Variants in PKD2L1 observed in about 807,000 individuals in gnomAD.
The protein encoded by PKD2L1 is polycystin 2 like 1, transient receptor potential cation channel.
Under a neutral mutation model 93.0 loss-of-function variants are expected in PKD2L1, and 77 were observed. That is an observed-to-expected ratio of 0.83 (90% CI 0.69 to 1.00). The LOEUF is 1.00. PKD2L1 is among the 50% of genes least tolerant of loss of function. The probability of loss-of-function intolerance (pLI) is 0.00; values close to 1 mark genes in which losing one functional copy is unlikely to be tolerated. For synonymous variants in PKD2L1, 390 were observed against 388.0 expected (o/e 1.01, Z -0.06); for missense variants, 977 against 990.9 (o/e 0.99, Z 0.19).
chr10:100,319,712 A>G (rs1478835959), intron 2 of PKD2L1, among the ~76,000 whole-genome samples: 1 of 152,230 alleles, frequency 6.6e-6, no homozygotes, highest in Non-Finnish European at 1.5e-5. Flanking sequence ...AGAGCATCCA[A>G]TTGATATTAA....
chr10:100,326,891 T>C (rs57286124), intron 2 of PKD2L1, among the ~76,000 whole-genome samples: 1 of 102,590 alleles, frequency 9.7e-6, no homozygotes, highest in Non-Finnish European at 2.0e-5. Flanking sequence ...ACCATAGTAT[T>C]ATGAATGACT....
intron 3 of PKD2L1, among the ~76,000 whole-genome samples, chr10:100,299,356 A>C (rs1028542458): frequency 6.6e-6 from 1 of 152,022 alleles, no homozygotes; most frequent in African/African-American, 2.4e-5. Context: ...GTTCAGCCTT[A>C]CCTCTGACTC....
In PKD2L1 at chr10:100,296,187, G is replaced by C; in HGVS notation, c.1291C>G (p.Leu431Val). ...QPNTYADFEF[L>V]AFWQTQYNNM... is the part of the protein sequence containing the mutation. ...TTGTACTGTGTCTGCCAGAAGGCGA[G>C]GAACTCAAAGTCTGCATACGTGTTT... is the stretch of plus-strand genomic sequence containing the variant. Residue 431 changes from leucine (L) to valine (V), a missense_variant, in exon 7 of 16, where the codon CTC (leucine) becomes GTC (valine). Physicochemically the swap from Leu to Val is conservative, Grantham distance 32. Transcript: ENST00000318222. 4 of 1,612,434 alleles carry C rather than the reference G, an allele frequency of 2.5e-6. No individual in the cohort carries two copies. The highest frequency in any genetic ancestry group is 3.4e-6 in the Non-Finnish European group (4 of 1,179,306).
Position 100,288,994 on chromosome 10 carries a change from TCCC to T in PKD2L1, c.2310_2312del (p.Trp770_Gly771delinsTer). 3 of 1,607,098 alleles carry T rather than the reference TCCC, an allele frequency of 1.9e-6. No homozygotes were observed. Among genetic ancestry groups the T allele is most frequent in the Non-Finnish European group, 2.6e-6 (3 of 1,175,454 alleles). ...CACCACTCTCCTGCCCACCCTGGACTCCCCAGGGGTCTGGGGTCACAGCTGGGG... is the reference window on the plus strand; with the variant it reads ...CACCACTCTCCTGCCCACCCTGGACTCAGGGGTCTGGGGTCACAGCTGGGG... On this transcript the variant is annotated stop_gained and inframe_deletion, in exon 15 of 16. Transcript: ENST00000318222. LOFTEE classifies it low-confidence loss of function (END_TRUNC).
chr10:100,328,471 CCT>C (rs1257756135), intron 2 of PKD2L1, among the ~76,000 whole-genome samples: 4 of 152,272 alleles, frequency 2.6e-5, no homozygotes, highest in Non-Finnish European at 4.4e-5. Context: ...TCTTTTACTT[CCT>C]CTCTTTTTTC....
intron 2 of PKD2L1, among the ~76,000 whole-genome samples, chr10:100,306,532 C>T (rs1187908589): frequency 3.3e-5 from 5 of 152,104 alleles, no homozygotes; most frequent in African/African-American, 1.2e-4. Flanking sequence ...AAGGGGATCA[C>T]ATCCCTCGGG....
rs534304313 is a variant in PKD2L1 at position 100,295,234 on chromosome 10, A to C, written c.1357-111T>G. 1.1e-4 allele frequency: 83 copies of C among 767,066 alleles called. No homozygotes were observed. In the African/African-American group the frequency reaches 1.3e-3, roughly 12 times the overall value. 47.5% of individuals were successfully genotyped at this position (767,066 alleles called of 1,614,324 possible). On this transcript the variant is annotated intron_variant, in intron 7 of 15. Coordinates refer to ENST00000318222, the MANE Select transcript of PKD2L1 (RefSeq NM_016112.3). ...AGGAGTTGCCAAGCCAGACAAAGAA[A>C]ATGAGACACATATTGAAGAAGGGAG...
intron 2 of PKD2L1, among the ~76,000 whole-genome samples, chr10:100,314,605 C>T (rs1176858715): frequency 6.6e-6 from 1 of 152,146 alleles, no homozygotes; most frequent in Admixed American, 6.6e-5. Context: ...GGGGAGCCTC[C>T]TATACTACAT....
intron 12 of PKD2L1, 124 bp downstream of exon 12, chr10:100,291,177 T>C (rs1416459534): frequency 4.0e-6 from 4 of 1,006,390 alleles, no homozygotes; most frequent in Non-Finnish European, 5.9e-6. Context: ...GGAACTACTA[T>C]TCTAGAGAGT....
chr10:100,311,238 C>T (rs1848925942), intron 2 of PKD2L1, among the ~76,000 whole-genome samples: 1 of 152,172 alleles, frequency 6.6e-6, no homozygotes, highest in Non-Finnish European at 1.5e-5. Flanking sequence ...TTATCATTTG[C>T]AGTACTCTTG....
Position 100,293,297 on chromosome 10 carries a change from G to A in PKD2L1, c.1742C>T (p.Ser581Phe). The A allele has an allele frequency of 1.2e-6, 2 of 1,611,976 alleles. No individual in the cohort carries two copies. The highest frequency in any genetic ancestry group is 1.7e-6 in the Non-Finnish European group (2 of 1,178,018). Reference sequence around the variant, plus strand: ...AGCAATCACCTGTTTCAGGAGGTCAGAAAGTTGCAGCTCATCCTTCTGTCC... The same window carrying A: ...AGCAATCACCTGTTTCAGGAGGTCAAAAAGTTGCAGCTCATCCTTCTGTCC... Reference protein sequence around the residue: ...LAGQKDELQLSDLLKQGYNKT... With the variant: ...LAGQKDELQLFDLLKQGYNKT... Residue 581 changes from serine (S) to phenylalanine (F), a missense_variant, in exon 10 of 16, where the codon TCT becomes TTT. Transcript: ENST00000318222.
At chr10:100,312,361 G>T (rs1382723636) in intron 2 of PKD2L1, among the ~76,000 whole-genome samples, 1 of 152,188 alleles carries the variant, frequency 6.6e-6, no homozygotes, top group Non-Finnish European at 1.5e-5. Flanking sequence ...TGGGAAATTA[G>T]ATTCAGAGCC....
chr10:100,314,317 T>C (rs1421431960), intron 2 of PKD2L1, among the ~76,000 whole-genome samples: 3 of 151,008 alleles, frequency 2.0e-5, no homozygotes, highest in African/African-American at 7.3e-5. Flanking sequence ...CAGGAAGACA[T>C]GGAAAAGCCT....
chr10:100,294,637 TATCC>T lies in PKD2L1; in HGVS notation c.1553_1556del (p.Arg518GlnfsTer35). The T allele has an allele frequency of 6.2e-7, 1 of 1,614,116 alleles. No homozygotes were observed. ...CATTGTAGTCAAAGTCCCCGAGGATTATCCGGAACTGAGTGAAACTGAGAGACCA... is the reference window on the plus strand; with the variant it reads ...CATTGTAGTCAAAGTCCCCGAGGATTGGAACTGAGTGAAACTGAGAGACCA... On this transcript the variant is annotated frameshift_variant, in exon 9 of 16. Coordinates refer to ENST00000318222, the MANE Select transcript of PKD2L1 (RefSeq NM_016112.3). LOFTEE classifies it high-confidence loss of function.
chr10:100,290,683 G>A (rs1382583475), intron 12 of PKD2L1, among the ~76,000 whole-genome samples, 164 bp from the exon 13 acceptor site: 1 of 152,158 alleles, frequency 6.6e-6, no homozygotes, highest in Non-Finnish European at 1.5e-5. Context: ...TCAGGGTGGT[G>A]GTGCTGGACC....
chr10:100,296,081 G>C, intron 7 of PKD2L1, 41 bp downstream of exon 7: 1 of 1,489,614 alleles, frequency 6.7e-7, no homozygotes, highest in Non-Finnish European at 9.2e-7. Context: ...GGGAGAATGA[G>C]TGCGCCTTGA....
rs117642679 is a variant in PKD2L1, at chr10:100,291,926, C to T, written c.1881-499G>A. ...CCTGTCCCCGCCCCTTTATTTAATA[C>T]TTAGCAATGCTCAACTACTTATTCC... On this transcript the variant is annotated intron_variant, in intron 11 of 15. Coordinates refer to ENST00000318222, the MANE Select transcript of PKD2L1 (RefSeq NM_016112.3). Among the ~76,000 whole-genome samples, 1,018 of 152,102 alleles carry T rather than the reference C, an allele frequency of 6.7e-3. 6 individuals carry two copies. The highest frequency in any genetic ancestry group is 9.4e-3 in the Non-Finnish European group (636 of 68,002).
intron 2 of PKD2L1, among the ~76,000 whole-genome samples, chr10:100,309,943 G>A (rs1278964626): frequency 3.9e-5 from 6 of 152,126 alleles, no homozygotes; most frequent in Non-Finnish European, 5.9e-5. Context: ...GCCAGTTTTC[G>A]TTGGGTTGTC....
chr10:100,299,692 C>A lies in PKD2L1; in HGVS notation c.376G>T (p.Ala126Ser). 2 of 1,613,680 alleles carry A rather than the reference C, an allele frequency of 1.2e-6. No homozygotes were observed. The highest frequency in any genetic ancestry group is 2.2e-5 in the East Asian group (1 of 44,878). The change falls in exon 3 of 16, where the codon GCT becomes TCT. Residue 126 changes from alanine to serine, a missense_variant. Transcript: ENST00000318222. The stretch of plus-strand genomic sequence containing the variant: ...GACATCACTTTGGTGTAGTAATAAG[C>A]ACTGGAGCTTGTCATTCCATAGGTC... The part of the protein sequence containing the change: ...LLTYGMTSSS[A>S]YYYTKVMSEL...
Sources: gnomAD v4.1 joint callset for allele counts (sites outside exome capture counted in the v4.1 genomes callset) on GRCh38, gnomAD v4.1.1 for gene constraint, MANE v1.5 for transcripts, NCBI Gene and HGNC (gene_info 2026-07-23, HGNC 2026-07-21) for gene names.